COG5: variants seen among roughly 807,000 people sequenced by gnomAD.
COG5 encodes conserved oligomeric Golgi complex subunit 5.
COG5 carries 86 observed loss-of-function variants against 110.4 expected under a neutral mutation model. The ratio of observed to expected loss-of-function variants is 0.78; its 90% CI spans 0.65 to 0.93. COG5 has a LOEUF of 0.93. Among genes scored for constraint, COG5 ranks in the 40% least tolerant of loss-of-function variants. COG5 has a pLI of 0.00. For missense variants in COG5, 1,077 were observed against 987.0 expected, an observed-to-expected ratio of 1.09 and a Z score of -1.22; for synonymous variants, 360 against 334.6, an observed-to-expected ratio of 1.08 and a Z score of -0.83.
intron 6 of COG5, among the ~76,000 whole-genome samples, chr7:107,506,718 G>A (rs543941484): frequency 5.3e-5 from 8 of 152,184 alleles, no homozygotes; most frequent in Admixed American, 1.3e-4. Flanking sequence ...CCTTCCCTGC[G>A]GGAAAACAGG....
At chr7:107,258,449 C>T in intron 14 of COG5, 66 bp from the exon 15 acceptor site, 1 of 879,356 alleles carries the variant, frequency 1.1e-6, no homozygotes, top group South Asian at 1.4e-5. Context: ...CTCTCTCTCT[C>T]TCACACACAC....
intron 6 of COG5, among the ~76,000 whole-genome samples, chr7:107,510,557 A>C (rs1293468664): frequency 6.6e-6 from 1 of 152,212 alleles, no homozygotes; most frequent in Non-Finnish European, 1.5e-5. Flanking sequence ...CCTAATAGAC[A>C]TCTACAGAAC....
chr7:107,245,454 T>G (rs1801981795), intron 17 of COG5, among the ~76,000 whole-genome samples: 1 of 152,240 alleles, frequency 6.6e-6, no homozygotes, highest in East Asian at 1.9e-4. Flanking sequence ...TGATTCTATA[T>G]CTAGAAAACC....
At chr7:107,496,310 C>T (rs1274094191) in intron 6 of COG5, among the ~76,000 whole-genome samples, 2 of 152,108 alleles carry the variant, frequency 1.3e-5, no homozygotes, top group Non-Finnish European at 2.9e-5. Context: ...AAGGATCATA[C>T]ATCATGAACA....
chr7:107,496,243 A>G (rs1294130019), intron 6 of COG5, among the ~76,000 whole-genome samples: 1 of 152,192 alleles, frequency 6.6e-6, no homozygotes, highest in Non-Finnish European at 1.5e-5. Context: ...CTGTATAAAT[A>G]CAGATGAAAA....
intron 7 of COG5, among the ~76,000 whole-genome samples, chr7:107,393,783 A>T (rs1790792541): frequency 1.3e-5 from 2 of 152,146 alleles, no homozygotes; most frequent in Non-Finnish European, 2.9e-5. Context: ...TATACTGCAA[A>T]AGTTGCGCTA....
At chr7:107,443,931 A>C (rs2129088206) in intron 6 of COG5, among the ~76,000 whole-genome samples, 1 of 152,334 alleles carries the variant, frequency 6.6e-6, no homozygotes, top group Admixed American at 6.5e-5. Context: ...CACTGGACTG[A>C]TTTGTTTGTA....
At position 107,283,567 on chromosome 7, in the gene COG5, A is replaced by G. The variant is rs1401113912; in HGVS notation, c.1475+4T>C. The G allele has an allele frequency of 1.9e-6, 3 of 1,613,104 alleles. No homozygotes were observed. In the South Asian group the frequency reaches 3.3e-5, roughly 18 times the overall value. On this transcript the variant is annotated splice_donor_region_variant and intron_variant, in intron 13 of 21. Transcript: ENST00000297135. ...TGGCAAGCCACTATATAAAAAATAC[A>G]TACCTTGCTATAGTTTTAATAATAC...
intron 6 of COG5, among the ~76,000 whole-genome samples, chr7:107,450,692 T>C (rs767265423): frequency 1.1e-4 from 17 of 152,158 alleles, no homozygotes; most frequent in South Asian, 2.1e-4. Flanking sequence ...ATCAGGAGGA[T>C]TGTCCTTATC....
chr7:107,210,382 G>A lies in COG5; in HGVS notation c.2375+144C>T, dbSNP rs1168104150. On this transcript the variant is annotated intron_variant, in intron 21 of 21. Coordinates refer to ENST00000297135, the MANE Select transcript of COG5 (RefSeq NM_006348.5). ...CCAACTGCTGGTTGCTCCAGCACCC[G>A]TGCCTAGGCAGTGAGGTGGCCCGCC... 51 of 1,460,024 alleles carry A rather than the reference G, an allele frequency of 3.5e-5. 1 individual carries two copies. Among genetic ancestry groups the A allele is most frequent in the South Asian group, 2.0e-4 (14 of 70,880 alleles). 90.4% of individuals were successfully genotyped at this position (1,460,024 alleles called of 1,614,324 possible). A position where few individuals can be genotyped will look rare whatever the true frequency, so the allele number is the denominator to read the frequency against.
intron 6 of COG5, among the ~76,000 whole-genome samples, chr7:107,432,167 A>G (rs763957584): frequency 1.3e-3 from 195 of 152,200 alleles, no homozygotes; most frequent in Non-Finnish European, 2.2e-3. Context: ...ATCCTATCTC[A>G]TGTGTTTGAA....
intron 21 of COG5, chr7:107,210,269 C>A (rs910649759): frequency 3.5e-5 from 48 of 1,379,836 alleles, no homozygotes; most frequent in Non-Finnish European, 4.3e-5. Context: ...AATGCATGGT[C>A]CTTAGGGTTG....
At chr7:107,419,375 A>G (rs1017485891) in intron 6 of COG5, among the ~76,000 whole-genome samples, 3 of 152,076 alleles carry the variant, frequency 2.0e-5, no homozygotes, top group African/African-American at 7.2e-5. Context: ...AATGAATACA[A>G]TGCTTATTCC....
At chr7:107,390,272 T>C (rs992615250) in intron 7 of COG5, among the ~76,000 whole-genome samples, 8 of 152,158 alleles carry the variant, frequency 5.3e-5, no homozygotes, top group African/African-American at 1.9e-4. Flanking sequence ...CTGTGGCATC[T>C]ATTACTGAAT....
At chr7:107,357,174 C>CA (rs969654262) in intron 10 of COG5, among the ~76,000 whole-genome samples, 1 of 152,022 alleles carries the variant, frequency 6.6e-6, no homozygotes, top group Non-Finnish European at 1.5e-5. Flanking sequence ...ACATCCTTAG[C>CA]AAAAATATTT....
At chr7:107,382,111 C>T (rs1563001106) in intron 7 of COG5, among the ~76,000 whole-genome samples, 1 of 152,158 alleles carries the variant, frequency 6.6e-6, no homozygotes, top group Non-Finnish European at 1.5e-5. Flanking sequence ...CATAAAAGTC[C>T]AGTGGGGAAA....
At chr7:107,270,826 T>A (rs1359912588) in intron 14 of COG5, among the ~76,000 whole-genome samples, 1 of 151,192 alleles carries the variant, frequency 6.6e-6, no homozygotes, top group African/African-American at 2.4e-5. Flanking sequence ...TCTCTTTCAA[T>A]GTTCCATTTT....
At chr7:107,489,385 A>C (rs533678716) in intron 6 of COG5, among the ~76,000 whole-genome samples, 2 of 152,192 alleles carry the variant, frequency 1.3e-5, no homozygotes, top group East Asian at 3.8e-4. Context: ...GCCATCTATC[A>C]CATTAAATTT....
chr7:107,462,231 A>C (rs1796035366), intron 6 of COG5, among the ~76,000 whole-genome samples: 1 of 152,216 alleles, frequency 6.6e-6, no homozygotes, highest in South Asian at 2.1e-4. Flanking sequence ...AGAATAATTC[A>C]GTCAAAACCG....
Sources: gnomAD v4.1 joint callset for allele counts (sites outside exome capture counted in the v4.1 genomes callset) on GRCh38, gnomAD v4.1.1 for gene constraint, MANE v1.5 for transcripts, NCBI Gene and HGNC (gene_info 2026-07-23, HGNC 2026-07-21) for gene names.